Variants in PRKN observed in about 807,000 individuals in gnomAD.
PRKN encodes parkin RBR E3 ubiquitin protein ligase.
PRKN carries 56 observed loss-of-function variants against 59.5 expected under a neutral mutation model. The observed-to-expected ratio is 0.94, with a 90% CI of 0.76 to 1.18. The LOEUF is 1.18. PRKN is among the 50% of genes most tolerant of loss of function. The probability of loss-of-function intolerance (pLI) is 0.00; values close to 1 mark genes in which losing one functional copy is unlikely to be tolerated. For missense variants in PRKN, 657 were observed against 596.4 expected (o/e 1.10, Z -1.06); for synonymous variants, 250 against 222.1 (o/e 1.13, Z -1.12).
At position 162,056,992 on chromosome 6, in the gene PRKN, G is replaced by A. The variant is rs1000297972; in HGVS notation, c.535-2818C>T. Among the ~76,000 whole-genome samples the A allele has an allele frequency of 6.6e-6, 1 of 152,088 alleles. No homozygotes were observed. Among genetic ancestry groups the A allele is most frequent in the African/African-American group, 2.4e-5 (1 of 41,404 alleles). On this transcript the variant is annotated intron_variant, in intron 4 of 11. Coordinates refer to ENST00000366898, the MANE Select transcript of PRKN (RefSeq NM_004562.3). The surrounding 1 kb of genome is among the most constrained non-coding windows in gnomAD (Gnocchi z 4.9). The stretch of plus-strand genomic sequence containing the variant: ...TCGCTTCATATCCTTTTGTTGTAGT[G>A]AATCTTAGCTATGTGTGTGACAGGA...
At chr6:162,353,882 TAC>T (rs1277023817) in intron 2 of PRKN, among the ~76,000 whole-genome samples, 2 of 152,172 alleles carry the variant, frequency 1.3e-5, no homozygotes, top group African/African-American at 4.8e-5. Flanking sequence ...GCAAAGAATG[TAC>T]AGTTTTTAAT....
chr6:162,149,358 C>T (rs182709360), intron 4 of PRKN, among the ~76,000 whole-genome samples: 14 of 152,132 alleles, frequency 9.2e-5, no homozygotes, highest in Non-Finnish European at 1.5e-5. Context: ...GATTCTCATG[C>T]CTCGCCCTCC....
At chr6:161,940,760 G>A (rs571919954) in intron 6 of PRKN, among the ~76,000 whole-genome samples, 1 of 152,330 alleles carries the variant, frequency 6.6e-6, no homozygotes, top group South Asian at 2.1e-4. Context: ...GTGGCATGTG[G>A]CAAGGGAAGA....
intron 6 of PRKN, among the ~76,000 whole-genome samples, chr6:161,839,110 C>T (rs184825184): frequency 9.2e-5 from 14 of 152,216 alleles, no homozygotes; most frequent in African/African-American, 3.1e-4. Flanking sequence ...TGTTAAGTGA[C>T]AGAGCCACAA....
At chr6:162,169,084 G>T (rs1405958330) in intron 4 of PRKN, among the ~76,000 whole-genome samples, 1 of 152,110 alleles carries the variant, frequency 6.6e-6, no homozygotes, top group African/African-American at 2.4e-5. Context: ...GAAGACTTCA[G>T]GCTCTCCTTC....
At position 161,761,775 on chromosome 6, in the gene PRKN, T is replaced by A. The variant is rs564343456; in HGVS notation, c.871+23997A>T. Reference sequence around the variant, plus strand: ...TCAAGTACACACTCATGAAGTGACATTTCCTGAGGAGGTTGGCACTGGGAA... The same window carrying A: ...TCAAGTACACACTCATGAAGTGACAATTCCTGAGGAGGTTGGCACTGGGAA... On this transcript the variant is annotated intron_variant, in intron 7 of 11. Transcript: ENST00000366898. 1.1e-4 allele frequency among the ~76,000 whole-genome samples: 17 copies of A among 152,296 alleles called. 2 individuals are homozygous for A. The highest frequency in any genetic ancestry group is 3.4e-3 in the Middle Eastern group (1 of 294).
Position 161,503,914 on chromosome 6 carries a change from C to T in PRKN, c.1083+44940G>A, listed in dbSNP as rs1429653864. Among the ~76,000 whole-genome samples, 3 of 152,160 alleles carry T rather than the reference C, an allele frequency of 2.0e-5. No individual in the cohort carries two copies. Among genetic ancestry groups the T allele is most frequent in the Non-Finnish European group, 4.4e-5 (3 of 68,020 alleles). On this transcript the variant is annotated intron_variant, in intron 9 of 11. Coordinates refer to ENST00000366898, the MANE Select transcript of PRKN (RefSeq NM_004562.3). This position sits in a 1 kb window ranked among gnomAD's most constrained non-coding sequence, Gnocchi z 5.1. ...CTTCAGCCTTGATCATTGAGACACC[C>T]TAGACAGGGGGAAAGCATTGAAGAA... is the stretch of plus-strand genomic sequence containing the variant.
intron 9 of PRKN, among the ~76,000 whole-genome samples, chr6:161,422,570 T>C (rs1387885475): frequency 6.6e-6 from 1 of 152,200 alleles, no homozygotes; most frequent in African/African-American, 2.4e-5. Flanking sequence ...CTAACGCCTA[T>C]ATTCTCATAG....
At chr6:161,625,200 T>C (rs1472191660) in intron 7 of PRKN, among the ~76,000 whole-genome samples, 1 of 152,190 alleles carries the variant, frequency 6.6e-6, no homozygotes, top group Admixed American at 6.5e-5. Context: ...TAAGAAAATA[T>C]GGCACATATA....
At chr6:162,569,134 G>T (rs527811442) in intron 1 of PRKN, 22 of 633,572 alleles carry the variant, frequency 3.5e-5, no homozygotes, top group Non-Finnish European at 6.1e-5. Context: ...AACCTCAGCC[G>T]GGCTGAGGCT....
intron 7 of PRKN, among the ~76,000 whole-genome samples, chr6:161,679,899 C>A (rs529333593): frequency 6.6e-6 from 1 of 151,744 alleles, no homozygotes; most frequent in Non-Finnish European, 1.5e-5. Context: ...GGACTACAGG[C>A]GCCTGCCACC....
chr6:162,395,461 C>T (rs750001120), intron 2 of PRKN, among the ~76,000 whole-genome samples: 1 of 152,160 alleles, frequency 6.6e-6, no homozygotes, highest in Non-Finnish European at 1.5e-5. Flanking sequence ...GGAAGTGAAT[C>T]TTCTATCATC....
At chr6:162,014,675 T>TA in intron 5 of PRKN, among the ~76,000 whole-genome samples, 1 of 152,108 alleles carries the variant, frequency 6.6e-6, no homozygotes, top group Non-Finnish European at 1.5e-5. Flanking sequence ...TTTAACTCAT[T>TA]AAGGGCTTGT....
In PRKN at chr6:162,325,999, A is replaced by G. The variant is rs79478786; in HGVS notation, c.172-63234T>C. ...GCCAATCAGAGCTCAGTAAAACATA[A>G]GCCAGCAAATCAGAGGCCGCTCATA... is the stretch of plus-strand genomic sequence containing the variant. On this transcript the variant is annotated intron_variant, in intron 2 of 11. Coordinates refer to ENST00000366898, the MANE Select transcript of PRKN (RefSeq NM_004562.3). 2.1e-3 allele frequency among the ~76,000 whole-genome samples: 322 copies of G among 152,256 alleles called. 2 individuals carry two copies. Among genetic ancestry groups the G allele is most frequent in the African/African-American group, 7.4e-3 (307 of 41,562 alleles).
chr6:162,195,917 T>G (rs1034893936), intron 4 of PRKN, among the ~76,000 whole-genome samples: 2 of 152,230 alleles, frequency 1.3e-5, no homozygotes, highest in Admixed American at 1.3e-4. Flanking sequence ...ATGCTGTATG[T>G]GCTCTCAGCT....
At chr6:162,213,524 G>A (rs887628686) in intron 3 of PRKN, among the ~76,000 whole-genome samples, 10 of 152,062 alleles carry the variant, frequency 6.6e-5, no homozygotes, top group African/African-American at 9.7e-5. Context: ...TCAGGAGTTC[G>A]AGATCAGCCT....
intron 1 of PRKN, among the ~76,000 whole-genome samples, chr6:162,627,483 G>A (rs1397729502): frequency 2.6e-5 from 4 of 152,240 alleles, no homozygotes; most frequent in East Asian, 1.9e-4. Context: ...TCAGTGGCTT[G>A]TAAACAGGAG....
At chr6:162,693,092 G>C (rs1053292039) in intron 1 of PRKN, among the ~76,000 whole-genome samples, 2 of 152,184 alleles carry the variant, frequency 1.3e-5, no homozygotes, top group African/African-American at 4.8e-5. Flanking sequence ...GCCAATTACA[G>C]TAATAAACAT....
At chr6:162,131,392 T>C (rs1349602001) in intron 4 of PRKN, among the ~76,000 whole-genome samples, 2 of 152,198 alleles carry the variant, frequency 1.3e-5, no homozygotes, top group African/African-American at 2.4e-5. Context: ...ATTGTTTTCA[T>C]AGCACACATT....
Sources: gnomAD v4.1 joint callset for allele counts (sites outside exome capture counted in the v4.1 genomes callset) on GRCh38, gnomAD v4.1.1 for gene constraint, Gnocchi (gnomAD v3.1) non-coding constraint, MANE v1.5 for transcripts, NCBI Gene and HGNC (gene_info 2026-07-23, HGNC 2026-07-21) for gene names.